The following SUGCT variants were observed in gnomAD, a reference collection of about 807,000 sequenced individuals.
SUGCT encodes the protein succinyl-CoA:glutarate-CoA transferase, also known as succinyl-CoA:glutarate CoA-transferase.
In SUGCT, 41 loss-of-function variants were observed where a neutral mutation model predicts 55.0. The ratio of observed to expected loss-of-function variants is 0.74; its 90% CI spans 0.58 to 0.97. The LOEUF (loss-of-function observed/expected upper bound fraction) is 0.97. SUGCT is among the 50% of genes least tolerant of loss of function. The pLI, the probability that SUGCT is intolerant of heterozygous loss-of-function variation, is 0.00. For missense variants in SUGCT, 568 were observed against 547.8 expected (o/e 1.04, Z -0.37); for synonymous variants, 187 against 200.4 (o/e 0.93, Z 0.56).
intron 12 of SUGCT, among the ~76,000 whole-genome samples, chr7:40,543,406 T>C (rs1263450539): frequency 6.6e-6 from 1 of 152,178 alleles, no homozygotes; most frequent in Admixed American, 6.5e-5. Context: ...CTTGATAAAA[T>C]AATTTAAAAA....
chr7:40,396,916 A>G (rs917954748), intron 9 of SUGCT, among the ~76,000 whole-genome samples: 1 of 152,196 alleles, frequency 6.6e-6, no homozygotes, highest in African/African-American at 2.4e-5. Flanking sequence ...TTATATGACC[A>G]TGAGGGAATG....
At chr7:40,638,076 C>T (rs1160801692) in intron 12 of SUGCT, among the ~76,000 whole-genome samples, 5 of 152,186 alleles carry the variant, frequency 3.3e-5, no homozygotes, top group Non-Finnish European at 5.9e-5. Context: ...CACAAAAGAG[C>T]TCCCTCCTGT....
chr7:40,644,697 T>A (rs1390455838), intron 12 of SUGCT, among the ~76,000 whole-genome samples: 2 of 152,148 alleles, frequency 1.3e-5, no homozygotes, highest in Non-Finnish European at 2.9e-5. Flanking sequence ...TAGGGAGCCA[T>A]GCTATTAGGG....
intron 12 of SUGCT, among the ~76,000 whole-genome samples, chr7:40,518,327 A>G (rs1303315512): frequency 6.6e-6 from 1 of 152,148 alleles, no homozygotes; most frequent in African/African-American, 2.4e-5. Context: ...TCCAATTGGT[A>G]AATTTGTTTT....
chr7:40,417,028 A>G (rs758247077), intron 9 of SUGCT, among the ~76,000 whole-genome samples: 4 of 151,990 alleles, frequency 2.6e-5, no homozygotes, highest in Non-Finnish European at 4.4e-5. Flanking sequence ...GCTTTCGAAT[A>G]TGTCATCATA....
chr7:40,421,613 G>A (rs183215450), intron 9 of SUGCT, among the ~76,000 whole-genome samples: 35 of 152,274 alleles, frequency 2.3e-4, no homozygotes, highest in Non-Finnish European at 4.4e-4. Flanking sequence ...CATACAGTGG[G>A]CATGGCCCCT....
At chr7:40,625,525 C>T (rs1025254603) in intron 12 of SUGCT, among the ~76,000 whole-genome samples, 206 of 152,174 alleles carry the variant, frequency 1.4e-3, no homozygotes, top group African/African-American at 4.8e-3. Context: ...TCCTTGCCAT[C>T]CATCAGTTCA....
intron 7 of SUGCT, among the ~76,000 whole-genome samples, chr7:40,245,404 C>CACATATATATATAT (rs1252155153): frequency 2.1e-4 from 11 of 53,322 alleles, no homozygotes; most frequent in African/African-American, 1.0e-3. Flanking sequence ...ACGTAGTAGA[C>CACATATATATATAT]ATATATATAT....
chr7:40,436,523 G>C (rs1205787160), intron 9 of SUGCT, among the ~76,000 whole-genome samples: 1 of 151,962 alleles, frequency 6.6e-6, no homozygotes, highest in Non-Finnish European at 1.5e-5. Context: ...TTTTTTTCTA[G>C]CTTGATTCTT....
At chr7:41,001,901 T>C in the SUGCT span, among the ~76,000 whole-genome samples, 2 of 152,200 alleles carry the variant, frequency 1.3e-5, no homozygotes, top group African/African-American at 4.8e-5. Flanking sequence ...ACAGCAGGAA[T>C]ACAGTATACA....
chr7:40,376,731 A>G (rs1784565657), intron 9 of SUGCT, among the ~76,000 whole-genome samples: 1 of 122,556 alleles, frequency 8.2e-6, no homozygotes, highest in Non-Finnish European at 1.7e-5. Context: ...GTCAACATAT[A>G]AAGATATAAT....
At chr7:40,458,881 G>A (rs187392120) in intron 10 of SUGCT, among the ~76,000 whole-genome samples, 18 of 152,174 alleles carry the variant, frequency 1.2e-4, no homozygotes, top group African/African-American at 4.3e-4. Flanking sequence ...AAGAATATTT[G>A]CTTAAATGTA....
rs3048827 is a variant in SUGCT at position 40,532,526 on chromosome 7, CTGTGTGTGTG to C, written c.1089+36174_1089+36183del. On this transcript the variant is annotated intron_variant, in intron 12 of 13. Transcript: ENST00000335693. ...GACACCCTGAACTGAGCAAGTATGT[CTGTGTGTGTG>C]TGTGTGTGTGTGTGTGTGTGTGTGT... 4.1e-4 allele frequency among the ~76,000 whole-genome samples: 55 copies of C among 134,158 alleles called. 1 individual carries two copies. Among genetic ancestry groups the C allele is most frequent in the Middle Eastern group, 8.2e-3 (2 of 244 alleles). The allele number at this position is 134,158 out of a possible 152,430, so 88.0% of individuals were successfully genotyped here. A position where few individuals can be genotyped will look rare whatever the true frequency, so the allele number is the denominator to read the frequency against.
At chr7:40,164,039 C>G (rs977220592) in intron 1 of SUGCT, among the ~76,000 whole-genome samples, 1 of 151,716 alleles carries the variant, frequency 6.6e-6, no homozygotes, top group East Asian at 1.9e-4. Context: ...AGGATGGTCT[C>G]GAACTCCTGG....
At chr7:40,176,240 A>AAAAT (rs1784917268) in intron 1 of SUGCT, among the ~76,000 whole-genome samples, 1 of 149,178 alleles carries the variant, frequency 6.7e-6, no homozygotes. Flanking sequence ...AAAAAAAAAA[A>AAAAT]TTTAGTGAGT....
At chr7:40,455,680 G>T (rs1038702632) in intron 10 of SUGCT, among the ~76,000 whole-genome samples, 13 of 152,180 alleles carry the variant, frequency 8.5e-5, no homozygotes, top group African/African-American at 3.1e-4. Context: ...TTGAGAAATT[G>T]TGAAACCTCA....
intron 13 of SUGCT, among the ~76,000 whole-genome samples, chr7:40,854,266 A>G (rs1202828708): frequency 8.6e-5 from 13 of 151,906 alleles, no homozygotes; most frequent in Admixed American, 8.5e-4. Context: ...GTCTTCTTAG[A>G]CTTTCCTTTT....
At chr7:40,215,290 G>A (rs1003159278) in intron 6 of SUGCT, among the ~76,000 whole-genome samples, 2 of 151,986 alleles carry the variant, frequency 1.3e-5, no homozygotes, top group Admixed American at 6.6e-5. Flanking sequence ...CTACAGGCGC[G>A]TGCCACCATG....
At chr7:40,325,803 T>TCAAAA (rs1470759860) in intron 9 of SUGCT, among the ~76,000 whole-genome samples, 6 of 151,462 alleles carry the variant, frequency 4.0e-5, no homozygotes, top group East Asian at 2.0e-4. Flanking sequence ...AAACTCCGTC[T>TCAAAA]CAAAACAAAA....
Sources: allele counts gnomAD v4.1 joint callset (sites outside exome capture counted in the v4.1 genomes callset), GRCh38; gene constraint gnomAD v4.1.1; transcripts MANE v1.5; gene names NCBI Gene and HGNC (gene_info 2026-07-23, HGNC 2026-07-21).